POU2F3: variants seen among roughly 807,000 people sequenced by gnomAD.
POU2F3 encodes POU domain, class 2, transcription factor 3.
A neutral mutation model predicts 59.2 loss-of-function variants in POU2F3; 23 were observed. The ratio of observed to expected loss-of-function variants is 0.39; its 90% CI spans 0.28 to 0.55. POU2F3 has a LOEUF of 0.55. POU2F3 is among the 20% of genes least tolerant of loss of function. POU2F3 has a pLI of 0.66. For missense variants in POU2F3, 473 were observed against 544.5 expected, an observed-to-expected ratio of 0.87 and a Z score of 1.31; for synonymous variants, 190 against 214.6, an observed-to-expected ratio of 0.89 and a Z score of 1.00.
At chr11:120,305,324 C>A in intron 7 of POU2F3, 112 bp downstream of exon 7, 1 of 1,238,282 alleles carries the variant, frequency 8.1e-7, no homozygotes. Context: ...GGGGTCTCCT[C>A]ATCATGTCCC....
chr11:120,290,914 C>G (rs60796558), intron 3 of POU2F3, among the ~76,000 whole-genome samples: 2,381 of 152,320 alleles, frequency 0.016, 66 homozygotes, highest in African/African-American at 0.053. Flanking sequence ...AAAATACACA[C>G]TAGGACAGAG....
At chr11:120,239,478 G>A (rs181990305), upstream of POU2F3, among the ~76,000 whole-genome samples, 2 of 152,308 alleles carry the variant, frequency 1.3e-5, no homozygotes. Context: ...CCATCATCTC[G>A]TAGAGCCTCA....
chr11:120,287,126 T>A (rs555660453), intron 3 of POU2F3, among the ~76,000 whole-genome samples: 1 of 152,178 alleles, frequency 6.6e-6, no homozygotes, highest in East Asian at 1.9e-4. Flanking sequence ...TCTAAAAACC[T>A]GATGTTAAAG....
upstream of POU2F3, among the ~76,000 whole-genome samples, chr11:120,239,403 C>G (rs1938578136): frequency 6.6e-6 from 1 of 152,154 alleles, no homozygotes; most frequent in Non-Finnish European, 1.5e-5. Context: ...CACCTTTGAG[C>G]AAGCCGCTTC....
upstream of POU2F3, among the ~76,000 whole-genome samples, chr11:120,239,967 G>A (rs985318969): frequency 6.6e-6 from 1 of 152,236 alleles, no homozygotes; most frequent in Non-Finnish European, 1.5e-5. Context: ...GTTGGAGCAG[G>A]CAGGTGTTCC....
intron 12 of POU2F3, among the ~76,000 whole-genome samples, 190 bp downstream of exon 12, chr11:120,317,554 C>T (rs1941821126): frequency 6.6e-6 from 1 of 152,194 alleles, no homozygotes; most frequent in African/African-American, 2.4e-5. Flanking sequence ...TAAAAAGAAG[C>T]TTCAGTCAGT....
Position 120,302,433 on chromosome 11 carries a change from T to C in POU2F3, c.444+65T>C, listed in dbSNP as rs981925384. 4 of 1,472,534 alleles carry C rather than the reference T, an allele frequency of 2.7e-6. No individual in the cohort carries two copies. The South Asian group carries it at 3.5e-5, about 13-fold the overall frequency. The allele number at this position is 1,472,534 out of a possible 1,614,324, so 91.2% of individuals were successfully genotyped here. A position where few individuals can be genotyped will look rare whatever the true frequency, so the allele number is the denominator to read the frequency against. On this transcript the variant is annotated intron_variant, in intron 6 of 12. Coordinates refer to ENST00000543440, the MANE Select transcript of POU2F3 (RefSeq NM_014352.4). Reference sequence around the variant, plus strand: ...TCAGCTCTCACTGAGTTTAACTCACTGGTTTCCCCCTACCCCTTTAACAGG... The same window carrying C: ...TCAGCTCTCACTGAGTTTAACTCACCGGTTTCCCCCTACCCCTTTAACAGG...
chr11:120,262,667 T>TTC (rs1202969788), intron 2 of POU2F3, among the ~76,000 whole-genome samples: 73 of 152,368 alleles, frequency 4.8e-4, no homozygotes, highest in African/African-American at 1.7e-3. Flanking sequence ...TCAGCTATGA[T>TTC]TATTTCTATT....
At chr11:120,274,108 AAAGGAAGGAAGGAAGGAAGGAAGGAAGG>A (rs58202053) in intron 3 of POU2F3, among the ~76,000 whole-genome samples, 3 of 116,156 alleles carry the variant, frequency 2.6e-5, no homozygotes, top group African/African-American at 1.0e-4. Context: ...AGGAAGGAAG[AAAGGAAGGAAGGAAGGAAGGAAGGAAGG>A]AAGGAAGGAA....
At chr11:120,315,960 C>A (rs2135141453) in intron 11 of POU2F3, among the ~76,000 whole-genome samples, 1 of 151,794 alleles carries the variant, frequency 6.6e-6, no homozygotes, top group South Asian at 2.1e-4. Flanking sequence ...ACACCCTCTG[C>A]CTCCCAGGTT....
At chr11:120,277,687 C>T (rs1940391471) in intron 3 of POU2F3, among the ~76,000 whole-genome samples, 1 of 151,996 alleles carries the variant, frequency 6.6e-6, no homozygotes, top group South Asian at 2.1e-4. Context: ...GAGGGTGAGG[C>T]ACAAGAATCA....
chr11:120,290,670 T>C (rs957222694), intron 3 of POU2F3, among the ~76,000 whole-genome samples: 1 of 152,236 alleles, frequency 6.6e-6, no homozygotes, highest in African/African-American at 2.4e-5. Context: ...CATTGAATTA[T>C]CAAGAAGAAT....
intron 2 of POU2F3, among the ~76,000 whole-genome samples, chr11:120,263,812 G>C: frequency 6.6e-6 from 1 of 152,220 alleles, no homozygotes; most frequent in East Asian, 1.9e-4. Context: ...TCCAAAGACG[G>C]AGCCAGGGCT....
chr11:120,283,799 G>GTGTGTGTA (rs1565373873), intron 3 of POU2F3, among the ~76,000 whole-genome samples: 1 of 150,100 alleles, frequency 6.7e-6, no homozygotes, highest in African/African-American at 2.5e-5. Context: ...GTGTGTGTGT[G>GTGTGTGTA]TGTGTGTGTG....
At chr11:120,251,019 G>A (rs1939074810) in intron 2 of POU2F3, among the ~76,000 whole-genome samples, 1 of 152,008 alleles carries the variant, frequency 6.6e-6, no homozygotes, top group African/African-American at 2.4e-5. Flanking sequence ...TTACACTAGA[G>A]TGTGGTAGGG....
intron 2 of POU2F3, among the ~76,000 whole-genome samples, chr11:120,247,664 C>T (rs2135130801): frequency 6.6e-6 from 1 of 152,236 alleles, no homozygotes; most frequent in South Asian, 2.1e-4. Flanking sequence ...GAGAGGGGCA[C>T]CTGTTCTTCC....
In POU2F3 at chr11:120,309,416, T is replaced by A. The variant is rs1223803271; in HGVS notation, c.907-9T>A. The A allele has an allele frequency of 6.2e-7, 1 of 1,608,652 alleles. No homozygotes were observed. Among genetic ancestry groups the A allele is most frequent in the Admixed American group, 1.7e-5 (1 of 59,976 alleles). On this transcript the variant is annotated splice_polypyrimidine_tract_variant and intron_variant, in intron 9 of 12. Transcript: ENST00000543440. Reference sequence around the variant, plus strand: ...TCTTGGCCATACTCTGTCCTTTCGGTGCCTATAGAACCCAAAACCCAGCTC... The same window carrying A: ...TCTTGGCCATACTCTGTCCTTTCGGAGCCTATAGAACCCAAAACCCAGCTC...
At chr11:120,307,161 A>T (rs1426278557) in intron 8 of POU2F3, among the ~76,000 whole-genome samples, 1 of 152,220 alleles carries the variant, frequency 6.6e-6, no homozygotes, top group Admixed American at 6.5e-5. Flanking sequence ...CACATGTGTC[A>T]CCGATGCATG....
At chr11:120,263,321 C>A (rs1281631546) in intron 2 of POU2F3, among the ~76,000 whole-genome samples, 1 of 152,156 alleles carries the variant, frequency 6.6e-6, no homozygotes, top group Non-Finnish European at 1.5e-5. Flanking sequence ...GCATACAGTT[C>A]CACCTCCCCA....
Sources: allele counts gnomAD v4.1 joint callset (sites outside exome capture counted in the v4.1 genomes callset), GRCh38; gene constraint gnomAD v4.1.1; transcripts MANE v1.5; gene names NCBI Gene and HGNC (gene_info 2026-07-23, HGNC 2026-07-21).